ADAM10: variants seen among roughly 807,000 people sequenced by gnomAD.
ADAM10 encodes ADAM metallopeptidase domain 10.
Under a neutral mutation model 90.1 loss-of-function variants are expected in ADAM10, and 17 were observed. The ratio of observed to expected loss-of-function variants is 0.19; its 90% CI spans 0.13 to 0.28. The LOEUF (loss-of-function observed/expected upper bound fraction) is 0.28. Ranked by LOEUF, ADAM10 falls within the 10% of genes least tolerant of loss-of-function variation. The pLI is 1.00. For missense variants in ADAM10, 610 were observed against 914.3 expected (o/e 0.67, Z 4.29); for synonymous variants, 310 against 298.6 (o/e 1.04, Z -0.40).
At chr15:58,722,684 C>A (rs1045864899) in intron 1 of ADAM10, among the ~76,000 whole-genome samples, 1 of 151,516 alleles carries the variant, frequency 6.6e-6, no homozygotes, top group African/African-American at 2.4e-5. Flanking sequence ...AGTATTTACA[C>A]CACCATGGAA....
chr15:58,647,022 A>G (rs1037459818), intron 5 of ADAM10, among the ~76,000 whole-genome samples: 1 of 152,040 alleles, frequency 6.6e-6, no homozygotes, highest in Non-Finnish European at 1.5e-5. Context: ...CTTTCCTTAG[A>G]CTTCGAGAAG....
intron 2 of ADAM10, chr15:58,692,188 G>T (rs368438623): frequency 5.7e-5 from 32 of 559,696 alleles, no homozygotes; most frequent in South Asian, 2.8e-4. Flanking sequence ...AAGGTCAAAG[G>T]GAGCCTGATG....
Position 58,590,111 on chromosome 15 carries a change from A to G in ADAM10, c.*7436T>C, listed in dbSNP as rs978852841. ...TCTATTTAAACTCTCTTCATCCATC[A>G]TATTTTGACTCAAGCATCACTTTCA... On this transcript the variant is annotated 3_prime_UTR_variant, in exon 16 of 16. Coordinates refer to ENST00000260408, the MANE Select transcript of ADAM10 (RefSeq NM_001110.4). 1 of 152,162 alleles carries G rather than the reference A, an allele frequency of 6.6e-6. No individual in the cohort carries two copies. Among genetic ancestry groups the G allele is most frequent in the Admixed American group, 6.5e-5 (1 of 15,280 alleles). 9.4% of individuals were successfully genotyped at this position (152,162 alleles called of 1,614,324 possible). A position where few individuals can be genotyped will look rare whatever the true frequency, so the allele number is the denominator to read the frequency against.
intron 10 of ADAM10, among the ~76,000 whole-genome samples, chr15:58,624,000 G>T (rs1895864175): frequency 6.6e-6 from 1 of 150,938 alleles, no homozygotes; most frequent in Admixed American, 6.6e-5. Flanking sequence ...AAAAAAAAGG[G>T]GGGGCCAGGC....
At chr15:58,723,884 C>T (rs779261304) in intron 1 of ADAM10, among the ~76,000 whole-genome samples, 4 of 151,878 alleles carry the variant, frequency 2.6e-5, no homozygotes, top group Admixed American at 1.3e-4. Flanking sequence ...AGAAAACAAA[C>T]GACATTTGGA....
At chr15:58,670,818 A>C (rs1897174770) in intron 4 of ADAM10, among the ~76,000 whole-genome samples, 1 of 152,138 alleles carries the variant, frequency 6.6e-6, no homozygotes, top group African/African-American at 2.4e-5. Flanking sequence ...TTTTATTTTT[A>C]CTTTTTATTT....
intron 9 of ADAM10, among the ~76,000 whole-genome samples, chr15:58,630,721 A>G (rs1170784981): frequency 6.6e-6 from 1 of 152,260 alleles, no homozygotes; most frequent in Admixed American, 6.5e-5. Flanking sequence ...AGTAACATTG[A>G]CATTACTACA....
intron 11 of ADAM10, among the ~76,000 whole-genome samples, chr15:58,614,065 T>C (rs1216465802): frequency 1.3e-5 from 2 of 152,194 alleles, no homozygotes; most frequent in African/African-American, 2.4e-5. Context: ...CCCAACACTT[T>C]GGGAGGCCAA....
chr15:58,689,949 C>CA (rs1197320048), intron 2 of ADAM10, among the ~76,000 whole-genome samples: 9 of 132,056 alleles, frequency 6.8e-5, no homozygotes, highest in East Asian at 3.0e-4. Flanking sequence ...GACAGACCCC[C>CA]CCCAAAAAAA....
At chr15:58,648,519 A>G (rs940902838) in intron 5 of ADAM10, among the ~76,000 whole-genome samples, 3 of 152,188 alleles carry the variant, frequency 2.0e-5, no homozygotes, top group Non-Finnish European at 4.4e-5. Context: ...GGATGCTTTA[A>G]TGTGAAAATT....
chr15:58,609,547 C>G (rs530301165), intron 14 of ADAM10: 1 of 153,270 alleles, frequency 6.5e-6, no homozygotes, highest in Admixed American at 6.5e-5. Flanking sequence ...CACATACACA[C>G]TAATTTGAGA....
At chr15:58,748,976 C>T in intron 1 of ADAM10, 1 of 399,158 alleles carries the variant, frequency 2.5e-6, no homozygotes, top group Non-Finnish European at 4.4e-6. Context: ...CAACTTCCCA[C>T]GAGTCTGCGC....
At chr15:58,624,674 A>T (rs553788385) in intron 10 of ADAM10, among the ~76,000 whole-genome samples, 1 of 152,210 alleles carries the variant, frequency 6.6e-6, no homozygotes, top group Non-Finnish European at 1.5e-5. Context: ...CTGGGACTAC[A>T]GGCGCACGCC....
rs368350977 is a variant in ADAM10 at position 58,607,921 on chromosome 15, TAAAGA to T, written c.2025+2371_2025+2375del. ...ATTACCAATGCCCTCAATCCCTAATTAAAGAAAAGGAGATGCTGAAATAAGGTCTC... is the reference window on the plus strand; with the variant it reads ...ATTACCAATGCCCTCAATCCCTAATTAAAGGAGATGCTGAAATAAGGTCTC... On this transcript the variant is annotated intron_variant, in intron 14 of 15. Transcript: ENST00000260408. 6.9e-3 allele frequency among the ~76,000 whole-genome samples: 1,044 copies of T among 152,170 alleles called. 13 individuals are homozygous for T. Among genetic ancestry groups the T allele is most frequent in the African/African-American group, 0.024 (998 of 41,514 alleles).
intron 12 of ADAM10, 162 bp downstream of exon 12, chr15:58,611,646 C>T (rs1895441053): frequency 1.5e-6 from 1 of 656,188 alleles, no homozygotes; most frequent in Non-Finnish European, 2.6e-6. Context: ...AAATTAGTAG[C>T]TAATTGAATG....
Position 58,610,980 on chromosome 15 carries a change from G to C in ADAM10, c.1804+19C>G, listed in dbSNP as rs376572270. On this transcript the variant is annotated intron_variant, in intron 13 of 15. Coordinates refer to ENST00000260408, the MANE Select transcript of ADAM10 (RefSeq NM_001110.4). Reference sequence around the variant, plus strand: ...AGTTTGAGGCAAATTTTATACTCTTGTGTTTTTAAAAGCCTTACTTTTCTT... The same window carrying C: ...AGTTTGAGGCAAATTTTATACTCTTCTGTTTTTAAAAGCCTTACTTTTCTT... 4 of 1,571,016 alleles carry C rather than the reference G, an allele frequency of 2.5e-6. No homozygotes were observed. Among genetic ancestry groups the C allele is most frequent in the Admixed American group, 1.7e-5 (1 of 59,950 alleles).
chr15:58,681,553 C>T (rs886791675), intron 3 of ADAM10, among the ~76,000 whole-genome samples: 21 of 152,138 alleles, frequency 1.4e-4, no homozygotes, highest in African/African-American at 5.1e-4. Context: ...AAAACAATGA[C>T]ATTTTGCCTC....
intron 14 of ADAM10, among the ~76,000 whole-genome samples, chr15:58,601,744 C>A (rs373413189): frequency 6.6e-6 from 1 of 152,158 alleles, no homozygotes; most frequent in Non-Finnish European, 1.5e-5. Flanking sequence ...TTTCTTTTCT[C>A]TCCTTTGATT....
At chr15:58,653,096 T>C (rs12591543) in intron 5 of ADAM10, among the ~76,000 whole-genome samples, 43,024 of 152,048 alleles carry the variant, frequency 0.28, 8,736 homozygotes, top group African/African-American at 0.57. Context: ...TATTTGTTTA[T>C]CAGTTCTAAT....
Sources: gnomAD v4.1 joint callset for allele counts (sites outside exome capture counted in the v4.1 genomes callset) on GRCh38, gnomAD v4.1.1 for gene constraint, MANE v1.5 for transcripts, NCBI Gene and HGNC (gene_info 2026-07-23, HGNC 2026-07-21) for gene names.